CD1D: variants seen among roughly 807,000 people sequenced by gnomAD.
CD1D encodes CD1d molecule, also known as antigen-presenting glycoprotein CD1d.
In CD1D, 40 loss-of-function variants were observed where a neutral mutation model predicts 42.1. That is an observed-to-expected ratio of 0.95 (90% CI 0.74 to 1.24). The LOEUF is 1.24. Ranked by LOEUF, CD1D falls within the 50% of genes most tolerant of loss-of-function variation. The pLI, the probability that CD1D is intolerant of heterozygous loss-of-function variation, is 0.00. For missense variants in CD1D, 437 were observed against 416.5 expected (o/e 1.05, Z -0.43); for synonymous variants, 178 against 171.8 (o/e 1.04, Z -0.28).
upstream of CD1D, among the ~76,000 whole-genome samples, chr1:158,180,435 G>A (rs1648338768): frequency 6.6e-6 from 1 of 152,172 alleles, no homozygotes; most frequent in Non-Finnish European, 1.5e-5. Flanking sequence ...CAAGGACCAT[G>A]ACAGGAGGAA....
chr1:158,180,464 T>G (rs2101693128), upstream of CD1D, among the ~76,000 whole-genome samples: 1 of 152,240 alleles, frequency 6.6e-6, no homozygotes, highest in East Asian at 1.9e-4. Context: ...TAGGGAACAC[T>G]GAGGTGGAGG....
In CD1D at chr1:158,183,965, G is replaced by T. The variant is rs1490039538; in HGVS notation, c.916G>T (p.Ala306Ser). The change falls in exon 5 of 6, where the codon GCC (alanine) becomes TCC (serine). Residue 306 changes from alanine (A) to serine (S), a missense_variant. By Grantham distance (99) the Ala-to-Ser change is moderately conservative. Coordinates refer to ENST00000674085, the MANE Select transcript of CD1D (RefSeq NM_001371762.2). ...GGSYTSMGLIALAVLACLLFL... is the reference protein window; with the variant it reads ...GGSYTSMGLISLAVLACLLFL... ...GAGCTACACCTCCATGGGCTTGATT[G>T]CCTTGGCAGTCCTGGCGTGCTTGCT... The T allele has an allele frequency of 1.9e-6, 3 of 1,614,180 alleles. No individual in the cohort carries two copies. The highest frequency in any genetic ancestry group is 1.7e-6 in the Non-Finnish European group (2 of 1,180,030).
upstream of CD1D, chr1:158,179,904 G>C (rs1218957915): frequency 1.3e-5 from 2 of 152,288 alleles, no homozygotes; most frequent in Non-Finnish European, 2.9e-5. Context: ...GTAGACACCA[G>C]GGCTAGAGGG....
In CD1D at chr1:158,183,941, A is replaced by T. The variant is rs137976547; in HGVS notation, c.892A>T (p.Ser298Cys). The change falls in exon 5 of 6, where the codon AGC becomes TGC. Residue 298 changes from serine to cysteine, a missense_variant. Transcript: ENST00000674085. ...GQDIVLYWGGSYTSMGLIALA... is the reference protein window; with the variant it reads ...GQDIVLYWGGCYTSMGLIALA... ...CCTATGTTCCTCCAGAGCAGGTGGG[A>T]GCTACACCTCCATGGGCTTGATTGC... The T allele has an allele frequency of 6.2e-6, 10 of 1,613,658 alleles. No individual in the cohort carries two copies. In the African/African-American group the frequency reaches 1.2e-4, roughly 19 times the overall value.
upstream of CD1D, among the ~76,000 whole-genome samples, chr1:158,179,255 T>G (rs1195695993): frequency 6.6e-6 from 1 of 152,242 alleles, no homozygotes; most frequent in African/African-American, 2.4e-5. Context: ...ATTTAATAAT[T>G]TAACACCTTA....
rs1178720610 is a variant in CD1D at position 158,184,641 on chromosome 1, C to G, written c.*491C>G. The G allele has an allele frequency of 6.1e-6, 1 of 165,052 alleles. No individual in the cohort carries two copies. Among genetic ancestry groups the G allele is most frequent in the African/African-American group, 2.4e-5 (1 of 41,532 alleles). 10.2% of individuals were successfully genotyped at this position (165,052 alleles called of 1,614,324 possible). A position where few individuals can be genotyped will look rare whatever the true frequency, so the allele number is the denominator to read the frequency against. ...CATGCCTGATTTTAAAAGGTTGACTCAAGTTTTTACAAAATACTATGTGGG... is the reference window on the plus strand; with the variant it reads ...CATGCCTGATTTTAAAAGGTTGACTGAAGTTTTTACAAAATACTATGTGGG... On this transcript the variant is annotated 3_prime_UTR_variant, in exon 6 of 6. Coordinates refer to ENST00000674085, the MANE Select transcript of CD1D (RefSeq NM_001371762.2).
intron 1 of CD1D, 146 bp from the exon 2 acceptor site, chr1:158,181,309 C>A: frequency 7.0e-7 from 1 of 1,424,906 alleles, no homozygotes; most frequent in Non-Finnish European, 9.7e-7. Flanking sequence ...TGCTCCCTGG[C>A]TCCGGGGAGA....
At chr1:158,182,424 C>A in intron 3 of CD1D, 114 bp downstream of exon 3, 1 of 1,181,878 alleles carries the variant, frequency 8.5e-7, no homozygotes, top group Non-Finnish European at 1.3e-6. Context: ...CCAGGAGGGG[C>A]TGGATAAGGG....
chr1:158,184,020 G>A lies in CD1D; in HGVS notation c.971G>A (p.Arg324Gln), dbSNP rs774424909. Residue 324 changes from arginine to glutamine, a missense_variant, in exon 5 of 6, where the codon CGG (arginine) becomes CAG (glutamine). Transcript: ENST00000674085. The part of the protein sequence containing the change: ...LFLLIVGFTS[R>Q]FKRQTSYQGV... ...CTCCTCATTGTGGGCTTTACCTCCC[G>A]GTTTAAGAGGCAAACGTAAGTCTCC... 1.1e-5 allele frequency: 18 copies of A among 1,613,906 alleles called. No homozygotes were observed. The highest frequency in any genetic ancestry group is 6.6e-5 in the South Asian group (6 of 91,076).
Position 158,181,789 on chromosome 1 carries a change from G to A in CD1D, c.328+68G>A, listed in dbSNP as rs1017664042. On this transcript the variant is annotated intron_variant, in intron 2 of 5. Coordinates refer to ENST00000674085, the MANE Select transcript of CD1D (RefSeq NM_001371762.2). ...AGAATGGCCACAGAAACTCAACTGG[G>A]AGACTGTGGCACCACCTGATGAGAT... 4.5e-6 allele frequency: 7 copies of A among 1,570,902 alleles called. No individual in the cohort carries two copies. In the African/African-American group the frequency reaches 9.4e-5, roughly 21 times the overall value.
chr1:158,186,067 C>T lies in CD1D; in HGVS notation c.*1917C>T, dbSNP rs1001661391. ...CCAGCAAGTGCACTGGCTGAGGGGA[C>T]TGGAGTTCTAGCCTCTGAACCAGTT... On this transcript the variant is annotated 3_prime_UTR_variant, in exon 6 of 6. Coordinates refer to ENST00000674085, the MANE Select transcript of CD1D (RefSeq NM_001371762.2). Among the ~76,000 whole-genome samples the T allele has an allele frequency of 6.6e-6, 1 of 152,204 alleles. No individual in the cohort carries two copies. The highest frequency in any genetic ancestry group is 2.4e-5 in the African/African-American group (1 of 41,456).
chr1:158,185,055 A>G lies in CD1D; in HGVS notation c.*905A>G, dbSNP rs888162852. On this transcript the variant is annotated 3_prime_UTR_variant, in exon 6 of 6. Transcript: ENST00000674085. ...ACAGTCTCCTTTACTTACAGCTATT[A>G]AAAGAGACAATGTAGGGAAAGGGCC... 6.6e-6 allele frequency among the ~76,000 whole-genome samples: 1 copy of G among 152,192 alleles called. No individual in the cohort carries two copies. The highest frequency in any genetic ancestry group is 2.4e-5 in the African/African-American group (1 of 41,450).
At chr1:158,178,123 C>T (rs1407426522), upstream of CD1D, among the ~76,000 whole-genome samples, 2 of 152,176 alleles carry the variant, frequency 1.3e-5, no homozygotes, top group African/African-American at 4.8e-5. Flanking sequence ...AGTGGATCTC[C>T]AGGTTACTGT....
At chr1:158,182,755 G>T in intron 3 of CD1D, 123 bp from the exon 4 acceptor site, 1 of 1,161,772 alleles carries the variant, frequency 8.6e-7, no homozygotes, top group South Asian at 1.5e-5. Context: ...AAGTGAACAT[G>T]TCAGGGGCAT....
Position 158,185,677 on chromosome 1 carries a change from C to A in CD1D, c.*1527C>A, listed in dbSNP as rs138292157. On this transcript the variant is annotated 3_prime_UTR_variant, in exon 6 of 6. Transcript: ENST00000674085. ...ACAGTGTAAGGATGACAGAGGGAGACCCTGTCTTAAAAAAAAATTATGCTA... is the reference window on the plus strand; with the variant it reads ...ACAGTGTAAGGATGACAGAGGGAGAACCTGTCTTAAAAAAAAATTATGCTA... 1.3e-5 allele frequency among the ~76,000 whole-genome samples: 2 copies of A among 152,134 alleles called. No homozygotes were observed. The highest frequency in any genetic ancestry group is 6.5e-5 in the Admixed American group (1 of 15,284).
In CD1D at chr1:158,183,997, C is replaced by T. The variant is rs758433536; in HGVS notation, c.948C>T (p.Leu316=). The T allele has an allele frequency of 6.2e-6, 10 of 1,614,084 alleles. No individual in the cohort carries two copies. The highest frequency in any genetic ancestry group is 1.3e-5 in the African/African-American group (1 of 74,936). The change falls in exon 5 of 6, where the codon CTC becomes CTT. Residue 316 remains leucine, a synonymous_variant. Coordinates refer to ENST00000674085, the MANE Select transcript of CD1D (RefSeq NM_001371762.2). ...CAGTCCTGGCGTGCTTGCTGTTCCT[C>T]CTCATTGTGGGCTTTACCTCCCGGT... ...ALAVLACLLF[L]LIVGFTSRFK...
At chr1:158,178,580 G>C (rs1184840070), upstream of CD1D, among the ~76,000 whole-genome samples, 1 of 152,120 alleles carries the variant, frequency 6.6e-6, no homozygotes, top group South Asian at 2.1e-4. Context: ...GTTTTGGTCA[G>C]CCTCTCAAAA....
At chr1:158,183,450 G>C (rs1306007107) in intron 4 of CD1D, among the ~76,000 whole-genome samples, 1 of 152,196 alleles carries the variant, frequency 6.6e-6, no homozygotes. Context: ...TTCATTCCTT[G>C]GCTTAAAGGG....
chr1:158,183,873 G>A, intron 4 of CD1D, 63 bp from the exon 5 acceptor site: 1 of 1,276,608 alleles, frequency 7.8e-7, no homozygotes, highest in Admixed American at 1.7e-5. Flanking sequence ...CCTAGACCAG[G>A]GGATTGGATA....
Sources: gnomAD v4.1 joint callset for allele counts (sites outside exome capture counted in the v4.1 genomes callset) on GRCh38, gnomAD v4.1.1 for gene constraint, MANE v1.5 for transcripts, NCBI Gene and HGNC (gene_info 2026-07-23, HGNC 2026-07-21) for gene names.